Variants in LRRC4C observed in about 807,000 individuals in gnomAD.
LRRC4C encodes the protein leucine rich repeat containing 4C, also known as leucine-rich repeat-containing protein 4C.
LRRC4C carries 5 observed loss-of-function variants against 33.6 expected under a neutral mutation model. The ratio of observed to expected loss-of-function variants is 0.15; its 90% CI spans 0.08 to 0.31. LRRC4C has a LOEUF of 0.31. Among genes scored for constraint, LRRC4C ranks in the 10% least tolerant of loss-of-function variants. LRRC4C has a pLI of 1.00. For missense variants in LRRC4C, 560 were observed against 796.7 expected, an observed-to-expected ratio of 0.70 and a Z score of 3.58; for synonymous variants, 329 against 302.0, an observed-to-expected ratio of 1.09 and a Z score of -0.93.
At chr11:40,961,551 A>C (rs1850979907) in intron 1 of LRRC4C, among the ~76,000 whole-genome samples, 1 of 151,760 alleles carries the variant, frequency 6.6e-6, no homozygotes, top group South Asian at 2.1e-4. Flanking sequence ...TAGTTTCAAA[A>C]TAGCTATAGA....
At chr11:41,248,318 A>G (rs763762110) in intron 1 of LRRC4C, among the ~76,000 whole-genome samples, 5 of 152,136 alleles carry the variant, frequency 3.3e-5, no homozygotes, top group Non-Finnish European at 5.9e-5. Flanking sequence ...TCCTGGACCC[A>G]TTCCTAGCAG....
chr11:41,295,344 T>C (rs1950107227), intron 1 of LRRC4C, among the ~76,000 whole-genome samples: 1 of 152,082 alleles, frequency 6.6e-6, no homozygotes, highest in South Asian at 2.1e-4. Flanking sequence ...ATATACAATA[T>C]GCGGTAAAAA....
At chr11:40,168,952 G>A (rs1309514283) in intron 5 of LRRC4C, among the ~76,000 whole-genome samples, 1 of 152,102 alleles carries the variant, frequency 6.6e-6, no homozygotes, top group Non-Finnish European at 1.5e-5. Flanking sequence ...GAATAGACTA[G>A]AGTCACCCCA....
chr11:40,138,820 C>T (rs1015060884), intron 6 of LRRC4C, among the ~76,000 whole-genome samples: 19 of 152,104 alleles, frequency 1.2e-4, no homozygotes, highest in Admixed American at 6.5e-5. Flanking sequence ...AATAAGGACT[C>T]AGGAGAAATA....
intron 3 of LRRC4C, among the ~76,000 whole-genome samples, chr11:40,358,226 G>T (rs1366351025): frequency 6.6e-6 from 1 of 151,834 alleles, no homozygotes; most frequent in Non-Finnish European, 1.5e-5. Context: ...CAACAAAAAA[G>T]GAAATAGAGA....
At chr11:40,839,703 G>T (rs1050364906) in intron 2 of LRRC4C, among the ~76,000 whole-genome samples, 1 of 152,156 alleles carries the variant, frequency 6.6e-6, no homozygotes, top group South Asian at 2.1e-4. Flanking sequence ...AGATGGAAAG[G>T]ATCCTTGTGG....
chr11:41,268,416 C>T (rs1160364585), intron 1 of LRRC4C, among the ~76,000 whole-genome samples: 1 of 152,044 alleles, frequency 6.6e-6, no homozygotes, highest in East Asian at 1.9e-4. Context: ...ATTAAGACAT[C>T]GGCTCTGTGG....
intron 1 of LRRC4C, among the ~76,000 whole-genome samples, chr11:41,014,651 T>A (rs1855451843): frequency 6.6e-6 from 1 of 152,132 alleles, no homozygotes; most frequent in South Asian, 2.1e-4. Flanking sequence ...TAATCCCTTC[T>A]AGATGAAGGG....
At chr11:41,252,977 G>T (rs571447443) in intron 1 of LRRC4C, among the ~76,000 whole-genome samples, 1 of 152,282 alleles carries the variant, frequency 6.6e-6, no homozygotes, top group Middle Eastern at 3.4e-3. Context: ...TACAATTCAA[G>T]ATGAGACTTG....
intron 3 of LRRC4C, among the ~76,000 whole-genome samples, chr11:40,407,806 A>G (rs1950013783): frequency 2.0e-5 from 3 of 152,128 alleles, no homozygotes. Context: ...TATTAACTAA[A>G]GAAATGTAAA....
intron 1 of LRRC4C, among the ~76,000 whole-genome samples, chr11:41,417,441 G>A (rs1283967071): frequency 2.6e-5 from 4 of 151,942 alleles, no homozygotes; most frequent in Admixed American, 2.0e-4. Context: ...AATGCTTTGC[G>A]TGACAATGTA....
At chr11:40,785,162 T>C (rs1436995216) in intron 2 of LRRC4C, among the ~76,000 whole-genome samples, 8 of 152,194 alleles carry the variant, frequency 5.3e-5, no homozygotes, top group Non-Finnish European at 1.5e-5. Context: ...TCTGTCTGGA[T>C]ACGATAAGAG....
At chr11:41,212,526 G>A (rs536028268) in intron 1 of LRRC4C, among the ~76,000 whole-genome samples, 3 of 152,250 alleles carry the variant, frequency 2.0e-5, no homozygotes, top group African/African-American at 7.2e-5. Flanking sequence ...TCAATCCATC[G>A]CTTAGGTATT....
chr11:40,993,710 A>T (rs1853758990), intron 1 of LRRC4C, among the ~76,000 whole-genome samples: 1 of 152,150 alleles, frequency 6.6e-6, no homozygotes. Context: ...ACAGAAAAAC[A>T]TAGTGTTACA....
At chr11:41,054,531 A>C (rs924679261) in intron 1 of LRRC4C, among the ~76,000 whole-genome samples, 5 of 152,232 alleles carry the variant, frequency 3.3e-5, no homozygotes, top group African/African-American at 7.2e-5. Flanking sequence ...TACCCATCTG[A>C]CAAGATGCAA....
chr11:40,160,311 G>A (rs1486259900), intron 5 of LRRC4C, among the ~76,000 whole-genome samples: 1 of 152,138 alleles, frequency 6.6e-6, no homozygotes, highest in African/African-American at 2.4e-5. Context: ...GCAACTGTCA[G>A]TGGGTTGTGA....
chr11:41,080,234 A>G (rs558433891), intron 1 of LRRC4C, among the ~76,000 whole-genome samples: 3 of 152,314 alleles, frequency 2.0e-5, no homozygotes, highest in African/African-American at 4.8e-5. Context: ...TCCTAGGTAG[A>G]AAAATTGAGG....
chr11:40,908,638 A>G (rs951386333), intron 2 of LRRC4C, among the ~76,000 whole-genome samples: 7 of 152,182 alleles, frequency 4.6e-5, no homozygotes, highest in Admixed American at 3.3e-4. Context: ...AAAATTGTCA[A>G]TCCCAAAATG....
chr11:41,356,165 C>A (rs1262192987), intron 1 of LRRC4C, among the ~76,000 whole-genome samples: 1 of 152,080 alleles, frequency 6.6e-6, no homozygotes, highest in Non-Finnish European at 1.5e-5. Flanking sequence ...CATACTTCTC[C>A]TCTTCAAGTA....
Sources: gnomAD v4.1 joint callset for allele counts (sites outside exome capture counted in the v4.1 genomes callset) on GRCh38, gnomAD v4.1.1 for gene constraint, MANE v1.5 for transcripts, NCBI Gene and HGNC (gene_info 2026-07-23, HGNC 2026-07-21) for gene names.